CAMKK2: variants seen among roughly 807,000 people sequenced by gnomAD.
CAMKK2 encodes the protein calcium/calmodulin dependent protein kinase kinase 2, also known as calcium/calmodulin-dependent protein kinase kinase 2.
A neutral mutation model predicts 67.2 loss-of-function variants in CAMKK2; 30 were observed. The observed-to-expected ratio is 0.45, with a 90% CI of 0.33 to 0.61. The LOEUF (loss-of-function observed/expected upper bound fraction) is 0.61. Among genes scored for constraint, CAMKK2 ranks in the 20% least tolerant of loss-of-function variants. The pLI, the probability that CAMKK2 is intolerant of heterozygous loss-of-function variation, is 0.02. For missense variants in CAMKK2, 643 were observed against 802.0 expected (o/e 0.80, Z 2.39); for synonymous variants, 322 against 326.2 (o/e 0.99, Z 0.14).
At chr12:121,293,262 A>C (rs1279529985) in intron 1 of CAMKK2, among the ~76,000 whole-genome samples, 2 of 152,170 alleles carry the variant, frequency 1.3e-5, no homozygotes, top group Non-Finnish European at 2.9e-5. Flanking sequence ...GGGCAACAAG[A>C]GGGAAACTCC....
rs71850101 is a variant in CAMKK2, at chr12:121,268,083, CATAT to C, written c.625+551_625+554del. Among the ~76,000 whole-genome samples, 29 of 97,008 alleles carry C rather than the reference CATAT, an allele frequency of 3.0e-4. 3 individuals carry two copies. The highest frequency in any genetic ancestry group is 2.8e-3 in the South Asian group (9 of 3,260). The allele number at this position is 97,008 out of a possible 152,430, so 63.6% of individuals were successfully genotyped here. A position where few individuals can be genotyped will look rare whatever the true frequency, so the allele number is the denominator to read the frequency against. On this transcript the variant is annotated intron_variant, in intron 5 of 16. Coordinates refer to ENST00000404169, the MANE Select transcript of CAMKK2 (RefSeq NM_001270485.2). ...TGGCTGAATAATATTCCATTGGATG[CATAT>C]ATATATATATATACTCTATTCATAT...
chr12:121,285,748 G>A lies in CAMKK2; in HGVS notation c.-60+10890C>T, dbSNP rs1898618677. ...GATCGCTTGAGCTGGGGAGGTTGAT[G>A]CAGCAGTGAGCCGTGATCATGCCAC... On this transcript the variant is annotated intron_variant, in intron 1 of 16. Coordinates refer to ENST00000404169, the MANE Select transcript of CAMKK2 (RefSeq NM_001270485.2). The surrounding 1 kb of genome is among the most constrained non-coding windows in gnomAD (Gnocchi z 4.1). Among the ~76,000 whole-genome samples the A allele has an allele frequency of 6.6e-6, 1 of 152,188 alleles. No homozygotes were observed. Among genetic ancestry groups the A allele is most frequent in the South Asian group, 2.1e-4 (1 of 4,832 alleles).
rs771674497 is a variant in CAMKK2, at chr12:121,263,829, G to A, written c.736C>T (p.Pro246Ser). The A allele has an allele frequency of 1.1e-5, 17 of 1,612,002 alleles. No individual in the cohort carries two copies. The highest frequency in any genetic ancestry group is 1.4e-5 in the Non-Finnish European group (16 of 1,178,588). ...EIAILKKLDHPNVVKLVEVLD... is the reference protein window; with the variant it reads ...EIAILKKLDHSNVVKLVEVLD... ...ACCTCCACCAGCTTCACCACATTGG[G>A]GTGGTCCAGCTTCTTGAGGATGGCA... Residue 246 changes from proline (P) to serine (S), a missense_variant, in exon 6 of 17, where the codon CCC (proline) becomes TCC (serine). By Grantham distance (74) the Pro-to-Ser change is moderately conservative (BLOSUM62 -1). This residue lies in a region of CAMKK2 where 483 missense variants were observed against 625.8 expected (regional missense o/e 0.77). Transcript: ENST00000404169.
rs1218716599 is a variant in CAMKK2 at position 121,240,993 on chromosome 12, C to CTACGTAA, written c.1597-131_1597-125dup. ...CGTCGCGCACCCCCTGGAACGTGAT[C>CTACGTAA]TACGTAACCCAGTCTTTGAGATCCT... On this transcript the variant is annotated intron_variant, in intron 16 of 16. Coordinates refer to ENST00000404169, the MANE Select transcript of CAMKK2 (RefSeq NM_001270485.2). This position sits in a 1 kb window ranked among gnomAD's most constrained non-coding sequence, Gnocchi z 4.4. 18 of 885,324 alleles carry CTACGTAA rather than the reference C, an allele frequency of 2.0e-5. No individual in the cohort carries two copies. The highest frequency in any genetic ancestry group is 3.0e-5 in the Non-Finnish European group (17 of 576,028). 54.8% of individuals were successfully genotyped at this position (885,324 alleles called of 1,614,324 possible). A position where few individuals can be genotyped will look rare whatever the true frequency, so the allele number is the denominator to read the frequency against.
chr12:121,240,533 T>C lies in CAMKK2; in HGVS notation c.*166A>G. 1 of 1,534,966 alleles carries C rather than the reference T, an allele frequency of 6.5e-7. No individual in the cohort carries two copies. Among genetic ancestry groups the C allele is most frequent in the Non-Finnish European group, 8.7e-7 (1 of 1,146,578 alleles). ...GTCATGGAGTCAAGTCCTTTTTTTT[T>C]TTTTGTCCCCTTTAAAACAACAAAG... is the stretch of plus-strand genomic sequence containing the variant. On this transcript the variant is annotated 3_prime_UTR_variant, in exon 17 of 17. Transcript: ENST00000404169. This position sits in a 1 kb window ranked among gnomAD's most constrained non-coding sequence, Gnocchi z 4.4.
chr12:121,263,015 C>T (rs1893780474), intron 6 of CAMKK2, among the ~76,000 whole-genome samples: 1 of 151,948 alleles, frequency 6.6e-6, no homozygotes, highest in Non-Finnish European at 1.5e-5. Flanking sequence ...GTTGCCCAGG[C>T]TGGAATGCAA....
At chr12:121,259,549 T>A (rs1893024132) in intron 7 of CAMKK2, among the ~76,000 whole-genome samples, 2 of 152,200 alleles carry the variant, frequency 1.3e-5, no homozygotes, top group African/African-American at 2.4e-5. Flanking sequence ...ATATTGTGAT[T>A]TCTGCTGTAT....
intron 6 of CAMKK2, chr12:121,260,598 G>A (rs1893252544): frequency 3.8e-6 from 2 of 523,006 alleles, no homozygotes; most frequent in Non-Finnish European, 6.6e-6. Flanking sequence ...ACACTCAGGA[G>A]GTCGCAAAAG....
At chr12:121,289,150 C>T (rs556587851) in intron 1 of CAMKK2, among the ~76,000 whole-genome samples, 2 of 152,180 alleles carry the variant, frequency 1.3e-5, no homozygotes, top group African/African-American at 2.4e-5. Flanking sequence ...GCCCCGTTTC[C>T]GTCACCTCCT....
At chr12:121,281,050 G>T (rs1897686170) in intron 1 of CAMKK2, among the ~76,000 whole-genome samples, 1 of 152,140 alleles carries the variant, frequency 6.6e-6, no homozygotes, top group Admixed American at 6.6e-5. Context: ...GTGGCTTGTG[G>T]GGCATCACGG....
In CAMKK2 at chr12:121,253,289, T is replaced by G. The variant is rs748416243; in HGVS notation, c.1091A>C (p.Lys364Thr). The G allele has an allele frequency of 6.2e-7, 1 of 1,614,046 alleles. No homozygotes were observed. The highest frequency in any genetic ancestry group is 8.5e-7 in the Non-Finnish European group (1 of 1,180,016). Residue 364 changes from lysine (K) to threonine (T), a missense_variant, in exon 10 of 17, where the codon AAG (lysine) becomes ACG (threonine). Lys to Thr is a moderately conservative substitution (Grantham distance 78). This residue lies in a region of CAMKK2 where 483 missense variants were observed against 625.8 expected (regional missense o/e 0.77). Transcript: ENST00000404169. The surrounding 1 kb of genome is among the most constrained non-coding windows in gnomAD (Gnocchi z 5.0). ...CAAGCTTACCTTCCCAGAGAAGATC[T>G]TGCGGGTCTCAGAGAGCGACTCGGG... ...MAPESLSETR[K>T]IFSGKALDVW...
Position 121,242,491 on chromosome 12 carries a change from G to T in CAMKK2, c.1597-1622C>A, listed in dbSNP as rs960740266. On this transcript the variant is annotated intron_variant, in intron 16 of 16. Transcript: ENST00000404169. ...GGCCGAGGAAAGGCCAGCCCGCTGG[G>T]TTTCCACTCCATCATCCGTGAGGCT... 7.2e-5 allele frequency among the ~76,000 whole-genome samples: 11 copies of T among 152,218 alleles called. 1 individual carries two copies. The highest frequency in any genetic ancestry group is 5.9e-4 in the Admixed American group (9 of 15,282).
chr12:121,258,479 G>A (rs1026901474), intron 7 of CAMKK2, among the ~76,000 whole-genome samples: 1 of 152,130 alleles, frequency 6.6e-6, no homozygotes, highest in Non-Finnish European at 1.5e-5. Flanking sequence ...TTACAGGCAT[G>A]AGCCACCGCA....
rs201248378 is a variant in CAMKK2 at position 121,252,654 on chromosome 12, C to T, written c.1161+7G>A. 1.2e-6 allele frequency: 2 copies of T among 1,614,120 alleles called. No individual in the cohort carries two copies. Among genetic ancestry groups the T allele is most frequent in the African/African-American group, 2.7e-5 (2 of 75,064 alleles). Reference sequence around the variant, plus strand: ...GTACTGAGGGGACAGACACCCCGCCCTCTTACCTGGCCAAAGACAAAGCAG... The same window carrying T: ...GTACTGAGGGGACAGACACCCCGCCTTCTTACCTGGCCAAAGACAAAGCAG... On this transcript the variant is annotated splice_region_variant and intron_variant, in intron 11 of 16. Transcript: ENST00000404169.
chr12:121,250,757 T>C (rs1890554660), intron 11 of CAMKK2, among the ~76,000 whole-genome samples: 2 of 152,252 alleles, frequency 1.3e-5, no homozygotes, highest in South Asian at 4.1e-4. Flanking sequence ...GGACTCTCCG[T>C]GCCTAGGAGC....
chr12:121,277,637 GTGT>G (rs35855506), intron 1 of CAMKK2, among the ~76,000 whole-genome samples: 2,622 of 152,308 alleles, frequency 0.017, 76 homozygotes, highest in African/African-American at 0.059. Flanking sequence ...TAAAGGACAA[GTGT>G]TGTAAGATTT....
chr12:121,246,937 G>A (rs893978348), intron 14 of CAMKK2, among the ~76,000 whole-genome samples: 1 of 151,878 alleles, frequency 6.6e-6, no homozygotes, highest in African/African-American at 2.4e-5. Flanking sequence ...ACATGCAGGG[G>A]GCCTGGACCT....
At chr12:121,272,648 A>T (rs368948227) in intron 2 of CAMKK2, among the ~76,000 whole-genome samples, 4 of 148,406 alleles carry the variant, frequency 2.7e-5, no homozygotes, top group East Asian at 2.0e-4. Context: ...GGATCACCTG[A>T]GGTCAGGAGT....
At chr12:121,292,984 A>G (rs1207467071) in intron 1 of CAMKK2, among the ~76,000 whole-genome samples, 4 of 151,190 alleles carry the variant, frequency 2.6e-5, no homozygotes, top group Admixed American at 6.6e-5. Flanking sequence ...AAAAAAAAAA[A>G]GAAAAAAAAA....
Sources: gnomAD v4.1 joint callset for allele counts (sites outside exome capture counted in the v4.1 genomes callset) on GRCh38, gnomAD v4.1.1 for gene constraint, gnomAD v4.1.1 regional missense constraint, Gnocchi (gnomAD v3.1) non-coding constraint, MANE v1.5 for transcripts, NCBI Gene and HGNC (gene_info 2026-07-23, HGNC 2026-07-21) for gene names.